Variants in CAPN13 observed in about 807,000 individuals in gnomAD.
CAPN13 encodes the protein calpain-13.
CAPN13 carries 90 observed loss-of-function variants against 98.4 expected under a neutral mutation model. The observed-to-expected ratio is 0.92, with a 90% CI of 0.77 to 1.09. The LOEUF is 1.09. Ranked by LOEUF, CAPN13 falls within the 50% of genes least tolerant of loss-of-function variation. CAPN13 has a pLI of 0.00. For synonymous variants in CAPN13, 330 were observed against 305.5 expected (o/e 1.08, Z -0.84); for missense variants, 887 against 841.3 (o/e 1.05, Z -0.67).
rs200822198 is a variant in CAPN13, at chr2:30,770,364, C to T, written c.473G>A (p.Arg158His). ...GGGCCAGAACTCTTGGTTTTGGTGG[C>T]GAGGACGCACAAAGAGGCATTTATC... is the stretch of plus-strand genomic sequence containing the variant. ...QGDKCLFVRP[R>H]HQNQEFWPCL... is the part of the protein sequence containing the mutation. The change falls in exon 5 of 23, where the codon CGC becomes CAC. Residue 158 changes from arginine to histidine, a missense_variant. By Grantham distance (29) the Arg-to-His change is conservative. Transcript: ENST00000295055. 11 of 1,613,962 alleles carry T rather than the reference C, an allele frequency of 6.8e-6. No individual in the cohort carries two copies. The highest frequency in any genetic ancestry group is 4.5e-5 in the East Asian group (2 of 44,874).
At chr2:30,774,941 A>G (rs1673606600) in intron 4 of CAPN13, among the ~76,000 whole-genome samples, 1 of 152,220 alleles carries the variant, frequency 6.6e-6, no homozygotes, top group African/African-American at 2.4e-5. Context: ...TCAAGGAAGC[A>G]CATTACTGAA....
At chr2:30,805,937 A>G (rs1675596968) in intron 1 of CAPN13, among the ~76,000 whole-genome samples, 1 of 151,120 alleles carries the variant, frequency 6.6e-6, no homozygotes, top group Non-Finnish European at 1.5e-5. Context: ...TTTTTCCCAG[A>G]CCCCCAATTT....
intron 17 of CAPN13, among the ~76,000 whole-genome samples, chr2:30,736,900 G>A (rs138751615): frequency 6.6e-6 from 1 of 152,310 alleles, no homozygotes; most frequent in East Asian, 1.9e-4. Context: ...GGAGGAGCAC[G>A]AAGGGTCATG....
chr2:30,748,412 G>A (rs551772811), intron 11 of CAPN13, among the ~76,000 whole-genome samples: 3 of 152,172 alleles, frequency 2.0e-5, no homozygotes, highest in Non-Finnish European at 2.9e-5. Context: ...TCACAACGTC[G>A]ATGGGATGCT....
At chr2:30,725,474 G>C (rs1670827313) in intron 22 of CAPN13, among the ~76,000 whole-genome samples, 1 of 152,158 alleles carries the variant, frequency 6.6e-6, no homozygotes, top group African/African-American at 2.4e-5. Context: ...ACCTCAACTT[G>C]CCCGGTGAGT....
Position 30,764,161 on chromosome 2 carries a change from A to T in CAPN13, c.670T>A (p.Ser224Thr). The T allele has an allele frequency of 6.3e-7, 1 of 1,586,584 alleles. No individual in the cohort carries two copies. Among genetic ancestry groups the T allele is most frequent in the Non-Finnish European group, 8.6e-7 (1 of 1,166,040 alleles). Residue 224 changes from serine to threonine, a missense_variant, in exon 6 of 23, where the codon TCC becomes ACC. Coordinates refer to ENST00000295055, the MANE Select transcript of CAPN13 (RefSeq NM_144575.3). ...KAVKTATKAG[S>T]LITCATPSGP... ...CTTGGAGTGGCACAGGTTATCAGGGAGCCTGCCTTGGTCGCTGTCTTCACT... is the reference window on the plus strand; with the variant it reads ...CTTGGAGTGGCACAGGTTATCAGGGTGCCTGCCTTGGTCGCTGTCTTCACT...
rs549613991 is a variant in CAPN13 at position 30,762,901 on chromosome 2, ACTT to A, written c.774+178_774+180del. Among the ~76,000 whole-genome samples the A allele has an allele frequency of 4.5e-3, 687 of 152,268 alleles. 4 individuals carry two copies. Among genetic ancestry groups the A allele is most frequent in the African/African-American group, 0.015 (644 of 41,550 alleles). On this transcript the variant is annotated intron_variant, in intron 7 of 22. Coordinates refer to ENST00000295055, the MANE Select transcript of CAPN13 (RefSeq NM_144575.3). The stretch of plus-strand genomic sequence containing the variant: ...AGAAAGGAGGACACTGGGAGTCAGA[ACTT>A]CTGGTTGAACAGAAGGAGCTGAGGC...
Position 30,743,598 on chromosome 2 carries a change from C to A in CAPN13, c.1249-19G>T. On this transcript the variant is annotated intron_variant, in intron 12 of 22. Coordinates refer to ENST00000295055, the MANE Select transcript of CAPN13 (RefSeq NM_144575.3). ...GGAACCGCTGGAATTAGAGGAAACA[C>A]AATGATTGTGAGAAAGCCTCCTCTG... 1.9e-6 allele frequency: 3 copies of A among 1,613,216 alleles called. No individual in the cohort carries two copies. The highest frequency in any genetic ancestry group is 2.5e-6 in the Non-Finnish European group (3 of 1,179,246).
chr2:30,744,744 T>C (rs1477757011), intron 12 of CAPN13, among the ~76,000 whole-genome samples: 2 of 152,170 alleles, frequency 1.3e-5, no homozygotes, highest in African/African-American at 4.8e-5. Flanking sequence ...TGGGGGTTCT[T>C]GGTCAATTGC....
rs77999373 is a variant in CAPN13, at chr2:30,775,075, T to C, written c.387+855A>G. ...TTAAAAGGAGATAGAAAATTATCTA[T>C]TTGCAGATAATATTATTAGATAACT... On this transcript the variant is annotated intron_variant, in intron 4 of 22. Coordinates refer to ENST00000295055, the MANE Select transcript of CAPN13 (RefSeq NM_144575.3). Among the ~76,000 whole-genome samples, 272 of 152,296 alleles carry C rather than the reference T, an allele frequency of 1.8e-3. 1 individual carries two copies. The highest frequency in any genetic ancestry group is 4.0e-3 in the Admixed American group (61 of 15,298).
At chr2:30,758,839 T>TCC (rs2148008858) in intron 7 of CAPN13, among the ~76,000 whole-genome samples, 1 of 110,030 alleles carries the variant, frequency 9.1e-6, no homozygotes, top group Non-Finnish European at 1.8e-5. Context: ...CTCCCTTCCT[T>TCC]CTTTCCCTTT....
chr2:30,725,793 G>C (rs1572770815), intron 22 of CAPN13, among the ~76,000 whole-genome samples: 1 of 152,112 alleles, frequency 6.6e-6, no homozygotes, highest in Admixed American at 6.5e-5. Flanking sequence ...AAGTGACCAG[G>C]ACACTTTCAA....
At position 30,732,528 on chromosome 2, in the gene CAPN13, GCAGCAGCTCAC is replaced by G; in HGVS notation, c.1826_1836del (p.Arg609ProfsTer27). The G allele has an allele frequency of 6.2e-7, 1 of 1,611,236 alleles. No individual in the cohort carries two copies. Among genetic ancestry groups the G allele is most frequent in the Non-Finnish European group, 8.5e-7 (1 of 1,178,856 alleles). On this transcript the variant is annotated frameshift_variant, in exon 20 of 23. Coordinates refer to ENST00000295055, the MANE Select transcript of CAPN13 (RefSeq NM_144575.3). LOFTEE classifies it high-confidence loss of function. ...TCGCTGTACCTGAGGGTCACCAGAT[GCAGCAGCTCAC>G]GGCTGATGAAGATCCCTCTGAGGAA...
At chr2:30,726,199 A>T (rs1376766005) in intron 22 of CAPN13, among the ~76,000 whole-genome samples, 1 of 152,238 alleles carries the variant, frequency 6.6e-6, no homozygotes, top group Non-Finnish European at 1.5e-5. Flanking sequence ...AGTAATGAAA[A>T]GTGTGTTAAC....
At chr2:30,762,693 T>A (rs1672907516) in intron 7 of CAPN13, among the ~76,000 whole-genome samples, 2 of 152,190 alleles carry the variant, frequency 1.3e-5, no homozygotes, top group African/African-American at 2.4e-5. Flanking sequence ...TATTTTGGAG[T>A]GTCTTTGTTA....
chr2:30,777,443 T>C (rs1165200144), intron 3 of CAPN13, 124 bp downstream of exon 3: 2 of 805,804 alleles, frequency 2.5e-6, no homozygotes, highest in South Asian at 1.6e-5. Context: ...CGTGAGCAGT[T>C]TGTCCACGGC....
chr2:30,787,734 C>T (rs1674374944), intron 1 of CAPN13, among the ~76,000 whole-genome samples: 2 of 152,090 alleles, frequency 1.3e-5, no homozygotes, highest in Non-Finnish European at 2.9e-5. Context: ...TTGGAAAGGT[C>T]ACGGGGTGTT....
intron 1 of CAPN13, among the ~76,000 whole-genome samples, chr2:30,793,885 A>T (rs1674723752): frequency 6.6e-6 from 1 of 151,876 alleles, no homozygotes; most frequent in South Asian, 2.1e-4. Context: ...TGGGAAAAGT[A>T]CAAACAAACA....
chr2:30,775,979 AG>A lies in CAPN13; in HGVS notation c.337del (p.Leu113Ter). ...TQNPQYRQKI[L>X]MVQSFSHQYA... Reference sequence around the variant, plus strand: ...CTGGTGTGAAAAGCTTTGGACCATCAGGATCTTCTGCCTGTACTGTGGGTTC... The same window carrying A: ...CTGGTGTGAAAAGCTTTGGACCATCAGATCTTCTGCCTGTACTGTGGGTTC... On this transcript the variant is annotated frameshift_variant, in exon 4 of 23. Coordinates refer to ENST00000295055, the MANE Select transcript of CAPN13 (RefSeq NM_144575.3). LOFTEE classifies it high-confidence loss of function. The A allele has an allele frequency of 1.2e-6, 2 of 1,612,866 alleles. No homozygotes were observed. The highest frequency in any genetic ancestry group is 3.3e-5 in the Admixed American group (2 of 59,912).
Sources: allele counts gnomAD v4.1 joint callset (sites outside exome capture counted in the v4.1 genomes callset), GRCh38; gene constraint gnomAD v4.1.1; transcripts MANE v1.5; gene names NCBI Gene and HGNC (gene_info 2026-07-23, HGNC 2026-07-21).